The following MED26 variants were observed in gnomAD, a reference collection of about 807,000 sequenced individuals.
The protein encoded by MED26 is mediator complex subunit 26.
A neutral mutation model predicts 43.7 loss-of-function variants in MED26; 7 were observed. That is an observed-to-expected ratio of 0.16 (90% CI 0.09 to 0.30). The LOEUF (loss-of-function observed/expected upper bound fraction) is 0.30, where lower values mean the gene tolerates loss of function less well. Ranked by LOEUF, MED26 falls within the 10% of genes least tolerant of loss-of-function variation. MED26 has a pLI of 1.00. For synonymous variants in MED26, 375 were observed against 371.1 expected (o/e 1.01, Z -0.12); for missense variants, 784 against 840.6 (o/e 0.93, Z 0.83).
At chr19:16,593,431 G>A (rs1009426225) in intron 1 of MED26, among the ~76,000 whole-genome samples, 5 of 152,162 alleles carry the variant, frequency 3.3e-5, no homozygotes, top group Non-Finnish European at 7.3e-5. Context: ...TCTCACATGT[G>A]GTCCAGCCTC....
intron 2 of MED26, 72 bp downstream of exon 2, chr19:16,578,263 G>A (rs765466987): frequency 5.8e-6 from 8 of 1,370,198 alleles, no homozygotes; most frequent in Admixed American, 1.7e-5. Context: ...CAGAAGCTGC[G>A]GAAGGACCTG....
intron 1 of MED26, among the ~76,000 whole-genome samples, chr19:16,623,122 A>T (rs2086258951): frequency 6.6e-6 from 1 of 152,184 alleles, no homozygotes; most frequent in Admixed American, 6.5e-5. Flanking sequence ...GACCACCCAG[A>T]AACCTCAGTG....
At chr19:16,606,706 C>G (rs2086174970) in intron 1 of MED26, among the ~76,000 whole-genome samples, 1 of 152,202 alleles carries the variant, frequency 6.6e-6, no homozygotes. Flanking sequence ...AAGTCAGCAA[C>G]AGTGACTGCC....
chr19:16,627,508 T>C (rs1050903402), intron 1 of MED26, among the ~76,000 whole-genome samples: 3 of 152,088 alleles, frequency 2.0e-5, no homozygotes, highest in Non-Finnish European at 4.4e-5. Context: ...CCCTTCCCGC[T>C]CCGGGAGGGC....
rs2086063476 is a variant in MED26 at position 16,584,866 on chromosome 19, G to A, written c.73-6457C>T. Among the ~76,000 whole-genome samples the A allele has an allele frequency of 2.0e-5, 3 of 152,286 alleles. No homozygotes were observed. The South Asian group carries it at 6.2e-4, about 32-fold the overall frequency. ...GATGAGAAAATACATCTATTTCCTA[G>A]CATTTGTTTGGGAGAGTTCACTGAT... On this transcript the variant is annotated intron_variant, in intron 1 of 2. Coordinates refer to ENST00000263390, the MANE Select transcript of MED26 (RefSeq NM_004831.5).
At chr19:16,594,521 T>G (rs1312780977) in intron 1 of MED26, among the ~76,000 whole-genome samples, 1 of 152,158 alleles carries the variant, frequency 6.6e-6, no homozygotes, top group African/African-American at 2.4e-5. Flanking sequence ...TCGTGCTCCC[T>G]TGTCATGACA....
At chr19:16,608,175 C>T (rs980954169) in intron 1 of MED26, among the ~76,000 whole-genome samples, 1 of 152,254 alleles carries the variant, frequency 6.6e-6, no homozygotes, top group African/African-American at 2.4e-5. Context: ...CAGGTGTGTG[C>T]TGGAGCCTGC....
intron 1 of MED26, among the ~76,000 whole-genome samples, chr19:16,585,037 G>A (rs1403143996): frequency 1.3e-5 from 2 of 152,140 alleles, no homozygotes; most frequent in Non-Finnish European, 2.9e-5. Flanking sequence ...CTCCACGTGA[G>A]CCTGTCTCAA....
chr19:16,577,178 T>C lies in MED26; in HGVS notation c.652A>G (p.Ser218Gly), dbSNP rs754258701. Reference sequence around the variant, plus strand: ...ACGGCGTTGACGGGGATCTTGCCACTGTGCTTGTCATTCTCGTCACGCTCC... The same window carrying C: ...ACGGCGTTGACGGGGATCTTGCCACCGTGCTTGTCATTCTCGTCACGCTCC... Reference protein sequence around the residue: ...RLERDENDKHSGKIPVNAVRP... With the variant: ...RLERDENDKHGGKIPVNAVRP... Residue 218 changes from serine (S) to glycine (G), a missense_variant, in exon 3 of 3, where the codon AGT becomes GGT. Physicochemically the swap from Ser to Gly is moderately conservative, Grantham distance 56 (BLOSUM62 0). Transcript: ENST00000263390. This position sits in a 1 kb window ranked among gnomAD's most constrained non-coding sequence, Gnocchi z 8.1. The C allele has an allele frequency of 1.5e-5, 24 of 1,613,224 alleles. No individual in the cohort carries two copies. The highest frequency in any genetic ancestry group is 1.9e-5 in the Non-Finnish European group (23 of 1,179,944).
chr19:16,611,431 C>T (rs1009844853), intron 1 of MED26: 2 of 152,176 alleles, frequency 1.3e-5, no homozygotes, highest in African/African-American at 4.8e-5. Flanking sequence ...ATCCTCTCCA[C>T]TGATTGCAGT....
intron 1 of MED26, among the ~76,000 whole-genome samples, chr19:16,590,050 C>T (rs1021398304): frequency 6.6e-6 from 1 of 152,244 alleles, no homozygotes; most frequent in African/African-American, 2.4e-5. Context: ...CTCTCCTGCC[C>T]TGGATGGGAC....
chr19:16,577,935 T>G lies in MED26; in HGVS notation c.148-253A>C, dbSNP rs1395405392. 1 of 470,532 alleles carries G rather than the reference T, an allele frequency of 2.1e-6. No homozygotes were observed. Among genetic ancestry groups the G allele is most frequent in the Non-Finnish European group, 3.7e-6 (1 of 266,872 alleles). The allele number at this position is 470,532 out of a possible 1,614,324, so 29.1% of individuals were successfully genotyped here. On this transcript the variant is annotated intron_variant, in intron 2 of 2. Transcript: ENST00000263390. The surrounding 1 kb of genome is among the most constrained non-coding windows in gnomAD (Gnocchi z 8.1). ...AGTGCTGTCACCCAGGCTCCTGGTG[T>G]CAGGGGGCTGTGGACCATCAAGGCC...
At chr19:16,627,159 G>A (rs928016732) in intron 1 of MED26, among the ~76,000 whole-genome samples, 1 of 152,260 alleles carries the variant, frequency 6.6e-6, no homozygotes, top group African/African-American at 2.4e-5. Context: ...CTAAAAAATG[G>A]AGCTCTGGCT....
chr19:16,619,789 A>G (rs2086243203), intron 1 of MED26, among the ~76,000 whole-genome samples: 1 of 152,116 alleles, frequency 6.6e-6, no homozygotes, highest in Non-Finnish European at 1.5e-5. Flanking sequence ...CACCCAGCAC[A>G]CGAATACCCG....
chr19:16,609,285 C>G (rs1410970398), intron 1 of MED26, among the ~76,000 whole-genome samples: 3 of 121,144 alleles, frequency 2.5e-5, no homozygotes, highest in African/African-American at 6.6e-5. Flanking sequence ...GGACTCCAGT[C>G]TGGGTGACAG....
At chr19:16,579,103 A>T (rs757815140) in intron 1 of MED26, among the ~76,000 whole-genome samples, 3 of 151,980 alleles carry the variant, frequency 2.0e-5, no homozygotes, top group Admixed American at 6.6e-5. Context: ...TCCGTGTAAA[A>T]AATAATAATA....
In MED26 at chr19:16,575,574, G is replaced by A. The variant is rs976863528; in HGVS notation, c.*453C>T. On this transcript the variant is annotated 3_prime_UTR_variant, in exon 3 of 3. Transcript: ENST00000263390. The stretch of plus-strand genomic sequence containing the variant: ...TGGCCCACTGTCTCAAGACACTCAG[G>A]GCCAAATTAAAGAACAGAAAATGCA... 1 of 166,514 alleles carries A rather than the reference G, an allele frequency of 6.0e-6. No homozygotes were observed. The highest frequency in any genetic ancestry group is 2.4e-5 in the African/African-American group (1 of 41,856). 10.3% of individuals were successfully genotyped at this position (166,514 alleles called of 1,614,324 possible).
chr19:16,620,889 A>G (rs2079529536), intron 1 of MED26, among the ~76,000 whole-genome samples: 1 of 152,188 alleles, frequency 6.6e-6, no homozygotes, highest in South Asian at 2.1e-4. Context: ...ATTTTCTTTA[A>G]AACAGTTACT....
chr19:16,599,826 G>C (rs1045026844), intron 1 of MED26, among the ~76,000 whole-genome samples: 3 of 152,308 alleles, frequency 2.0e-5, no homozygotes, highest in African/African-American at 7.2e-5. Context: ...GGACACACCT[G>C]TACAGGGGAC....
Sources: allele counts gnomAD v4.1 joint callset (sites outside exome capture counted in the v4.1 genomes callset), GRCh38; gene constraint gnomAD v4.1.1; non-coding constraint Gnocchi (gnomAD v3.1); transcripts MANE v1.5; gene names NCBI Gene and HGNC (gene_info 2026-07-23, HGNC 2026-07-21).